Variants in ANKS1B observed in about 807,000 individuals in gnomAD.
ANKS1B encodes ankyrin repeat and sterile alpha motif domain containing 1B.
A neutral mutation model predicts 148.3 loss-of-function variants in ANKS1B; 36 were observed. That is an observed-to-expected ratio of 0.24 (90% CI 0.19 to 0.32). The LOEUF (loss-of-function observed/expected upper bound fraction) is 0.32, where lower values mean the gene tolerates loss of function less well. Ranked by LOEUF, ANKS1B falls within the 10% of genes least tolerant of loss-of-function variation. The pLI is 1.00. For synonymous variants in ANKS1B, 542 were observed against 560.8 expected (o/e 0.97, Z 0.47); for missense variants, 1,157 against 1,542.6 (o/e 0.75, Z 4.19).
chr12:99,713,657 T>C (rs1280430585), intron 8 of ANKS1B, among the ~76,000 whole-genome samples: 3 of 152,238 alleles, frequency 2.0e-5, no homozygotes, highest in African/African-American at 7.2e-5. Context: ...GTTCCTTTAG[T>C]ATTCCTATTT....
rs146502878 is a variant in ANKS1B, at chr12:99,081,581, C to T, written c.2625+3344G>A. ...CATTCTATTTGTGCTGCTCAATGTG[C>T]GTCTGGATGTTTTTATATACTCTCT... is the stretch of plus-strand genomic sequence containing the variant. On this transcript the variant is annotated intron_variant, in intron 16 of 26. Transcript: ENST00000683438. 4.3e-3 allele frequency among the ~76,000 whole-genome samples: 656 copies of T among 152,188 alleles called. 5 individuals are homozygous for T. The highest frequency in any genetic ancestry group is 0.014 in the African/African-American group (592 of 41,550).
chr12:99,751,152 A>C (rs1270481174), intron 8 of ANKS1B, among the ~76,000 whole-genome samples: 1 of 151,588 alleles, frequency 6.6e-6, no homozygotes, highest in African/African-American at 2.4e-5. Context: ...CCAGATTCTA[A>C]ACTTTCTTTA....
intron 9 of ANKS1B, among the ~76,000 whole-genome samples, chr12:99,593,971 G>A (rs548291992): frequency 2.6e-5 from 4 of 151,606 alleles, no homozygotes; most frequent in Middle Eastern, 3.4e-3. Flanking sequence ...TTTAATCTCC[G>A]TCTTGACAGA....
intron 9 of ANKS1B, among the ~76,000 whole-genome samples, chr12:99,632,719 T>TTTTC (rs1418682283): frequency 1.5e-5 from 1 of 65,196 alleles, no homozygotes; most frequent in Non-Finnish European, 3.3e-5. Flanking sequence ...TGTGTCTTCC[T>TTTTC]TTTCTTTCTA....
At chr12:98,910,667 T>C (rs1289864181) in intron 17 of ANKS1B, among the ~76,000 whole-genome samples, 2 of 152,184 alleles carry the variant, frequency 1.3e-5, no homozygotes, top group Admixed American at 1.3e-4. Context: ...TTTTAGTAAA[T>C]TTGTAGAAAC....
At chr12:99,576,894 T>A (rs1296121827) in intron 9 of ANKS1B, among the ~76,000 whole-genome samples, 1 of 151,948 alleles carries the variant, frequency 6.6e-6, no homozygotes, top group African/African-American at 2.4e-5. Context: ...ACTTAGTTTT[T>A]CAACTCTCAC....
chr12:99,611,373 G>A (rs1440537213), intron 9 of ANKS1B, among the ~76,000 whole-genome samples: 5 of 151,954 alleles, frequency 3.3e-5, no homozygotes, highest in Admixed American at 6.6e-5. Flanking sequence ...TCATCACTTT[G>A]TAATTTAAAA....
chr12:98,878,249 C>A (rs185884403), intron 17 of ANKS1B, among the ~76,000 whole-genome samples: 1 of 150,826 alleles, frequency 6.6e-6, no homozygotes, highest in East Asian at 1.9e-4. Context: ...AAACACCTCA[C>A]TCTGGTTAGC....
At chr12:99,182,734 CA>C (rs1241139089) in intron 14 of ANKS1B, among the ~76,000 whole-genome samples, 6 of 152,066 alleles carry the variant, frequency 3.9e-5, no homozygotes, top group African/African-American at 1.4e-4. Context: ...CAGGAACCTC[CA>C]AACCGTTCTG....
chr12:98,925,343 T>C (rs1250915087), intron 17 of ANKS1B, among the ~76,000 whole-genome samples: 2 of 152,212 alleles, frequency 1.3e-5, no homozygotes, highest in Non-Finnish European at 2.9e-5. Context: ...ACAAAAATGA[T>C]GCTTAAAATG....
intron 19 of ANKS1B, among the ~76,000 whole-genome samples, chr12:98,816,527 T>C (rs1329078556): frequency 6.6e-6 from 1 of 152,126 alleles, no homozygotes. Flanking sequence ...CCTGGCCTTA[T>C]AGGATCCCCT....
chr12:99,162,784 G>C (rs754818768), intron 14 of ANKS1B, among the ~76,000 whole-genome samples: 2 of 152,080 alleles, frequency 1.3e-5, no homozygotes, highest in Admixed American at 1.3e-4. Flanking sequence ...TCTACTGGCC[G>C]GGCGTGGTGG....
At chr12:99,060,504 GA>G (rs1418113415) in intron 16 of ANKS1B, among the ~76,000 whole-genome samples, 1 of 151,988 alleles carries the variant, frequency 6.6e-6, no homozygotes, top group African/African-American at 2.4e-5. Flanking sequence ...AGAAATGTTT[GA>G]AAACCACGAA....
At chr12:98,942,745 T>C (rs1352032644) in intron 17 of ANKS1B, among the ~76,000 whole-genome samples, 1 of 152,244 alleles carries the variant, frequency 6.6e-6, no homozygotes. Flanking sequence ...GGAATGATTA[T>C]GCATCAAACA....
chr12:99,545,187 T>G (rs2097161416), intron 9 of ANKS1B, among the ~76,000 whole-genome samples: 1 of 152,192 alleles, frequency 6.6e-6, no homozygotes. Flanking sequence ...TCTATTTCTA[T>G]GTCTGAAAAC....
At chr12:99,428,026 G>C (rs112476806) in intron 11 of ANKS1B, among the ~76,000 whole-genome samples, 2 of 152,278 alleles carry the variant, frequency 1.3e-5, no homozygotes, top group African/African-American at 4.8e-5. Flanking sequence ...GAAGTTTAGA[G>C]GTTGTCATGA....
intron 17 of ANKS1B, among the ~76,000 whole-genome samples, chr12:98,899,549 G>T (rs892442496): frequency 6.6e-6 from 1 of 152,138 alleles, no homozygotes; most frequent in Non-Finnish European, 1.5e-5. Flanking sequence ...CCTTAAGAGC[G>T]GCTTCCCTGA....
intron 12 of ANKS1B, among the ~76,000 whole-genome samples, chr12:99,392,204 G>A (rs2094097947): frequency 6.6e-6 from 1 of 152,224 alleles, no homozygotes; most frequent in Non-Finnish European, 1.5e-5. Context: ...CCTGTGTCCA[G>A]TGGCTGCTGT....
At position 99,720,869 on chromosome 12, in the gene ANKS1B, T is replaced by C. The variant is rs538226599; in HGVS notation, c.1128+52053A>G. On this transcript the variant is annotated intron_variant, in intron 8 of 26. Transcript: ENST00000683438. ...TGCCGGTTTACACTGTTTCTCCAAGTCATCACAGCCAATATCTCCTGGTGC... is the reference window on the plus strand; with the variant it reads ...TGCCGGTTTACACTGTTTCTCCAAGCCATCACAGCCAATATCTCCTGGTGC... Among the ~76,000 whole-genome samples the C allele has an allele frequency of 3.3e-4, 51 of 152,262 alleles. 1 individual carries two copies. The highest frequency in any genetic ancestry group is 1.2e-3 in the African/African-American group (51 of 41,546).
Sources: gnomAD v4.1 joint callset for allele counts (sites outside exome capture counted in the v4.1 genomes callset) on GRCh38, gnomAD v4.1.1 for gene constraint, MANE v1.5 for transcripts, NCBI Gene and HGNC (gene_info 2026-07-23, HGNC 2026-07-21) for gene names.